ANKRD55: variants seen among roughly 807,000 people sequenced by gnomAD.
ANKRD55 encodes ankyrin repeat domain 55.
ANKRD55 carries 41 observed loss-of-function variants against 60.6 expected under a neutral mutation model. That is an observed-to-expected ratio of 0.68 (90% CI 0.53 to 0.88). ANKRD55 has a LOEUF of 0.88. Among genes scored for constraint, ANKRD55 ranks in the 40% least tolerant of loss-of-function variants. The probability of loss-of-function intolerance (pLI) is 0.00; values close to 1 mark genes in which losing one functional copy is unlikely to be tolerated. For missense variants in ANKRD55, 732 were observed against 767.6 expected (o/e 0.95, Z 0.55); for synonymous variants, 264 against 290.3 (o/e 0.91, Z 0.92).
chr5:56,139,408 T>A (rs1051392157), intron 7 of ANKRD55, among the ~76,000 whole-genome samples: 4 of 152,254 alleles, frequency 2.6e-5, no homozygotes, highest in African/African-American at 7.2e-5. Context: ...TTTAACAAAG[T>A]TCTAGAAGTA....
intron 2 of ANKRD55, among the ~76,000 whole-genome samples, chr5:56,198,485 A>C (rs542287738): frequency 6.6e-6 from 1 of 151,888 alleles, no homozygotes; most frequent in South Asian, 2.1e-4. Flanking sequence ...GGGTTTCACC[A>C]TGTTGGTCAG....
intron 2 of ANKRD55, among the ~76,000 whole-genome samples, chr5:56,214,097 T>A (rs1759744730): frequency 6.6e-6 from 1 of 152,126 alleles, no homozygotes; most frequent in African/African-American, 2.4e-5. Context: ...ATCTTGTGAG[T>A]CTTATTCACT....
chr5:56,127,298 G>C (rs1434642367), intron 7 of ANKRD55, 192 bp from the exon 8 acceptor site: 1 of 985,272 alleles, frequency 1.0e-6, no homozygotes, highest in African/African-American at 1.7e-5. Flanking sequence ...GTGTCCACTT[G>C]TCTCAAGTCA....
rs540776302 is a variant in ANKRD55 at position 56,145,102 on chromosome 5, G to A, written c.484-1173C>T. 3.3e-5 allele frequency among the ~76,000 whole-genome samples: 5 copies of A among 152,266 alleles called. No individual in the cohort carries two copies. In the South Asian group the frequency reaches 8.3e-4, roughly 25 times the overall value. On this transcript the variant is annotated intron_variant, in intron 6 of 11. Coordinates refer to ENST00000341048, the MANE Select transcript of ANKRD55 (RefSeq NM_024669.3). The stretch of plus-strand genomic sequence containing the variant: ...TAGACAGGAGCACATTAATAATAGC[G>A]CAGAGCTAATATTTATTGATCTAGA...
At chr5:56,131,006 T>A (rs1757394557) in intron 7 of ANKRD55, among the ~76,000 whole-genome samples, 2 of 150,550 alleles carry the variant, frequency 1.3e-5, no homozygotes, top group African/African-American at 2.4e-5. Context: ...CTACAAAAGG[T>A]GTAACATACA....
intron 2 of ANKRD55, among the ~76,000 whole-genome samples, chr5:56,220,781 C>G (rs147774270): frequency 2.4e-4 from 37 of 152,266 alleles, no homozygotes; most frequent in African/African-American, 8.4e-4. Flanking sequence ...CCATTGCACT[C>G]CAGCCTGGGT....
At chr5:56,201,041 C>T (rs952109700) in intron 2 of ANKRD55, among the ~76,000 whole-genome samples, 1 of 152,150 alleles carries the variant, frequency 6.6e-6, no homozygotes. Context: ...GAAAGACATG[C>T]CCTAGTGGGA....
At chr5:56,186,913 G>C (rs1031555168) in intron 2 of ANKRD55, among the ~76,000 whole-genome samples, 1 of 152,160 alleles carries the variant, frequency 6.6e-6, no homozygotes, top group African/African-American at 2.4e-5. Context: ...TCCTGGTGGT[G>C]GGCTGAGGAG....
intron 2 of ANKRD55, among the ~76,000 whole-genome samples, chr5:56,188,041 C>A (rs910874072): frequency 5.3e-5 from 8 of 152,180 alleles, no homozygotes; most frequent in African/African-American, 1.9e-4. Flanking sequence ...TCTCTAGGGA[C>A]TACTTCCTCT....
At chr5:56,135,318 T>G (rs1310040654) in intron 7 of ANKRD55, among the ~76,000 whole-genome samples, 7 of 13,994 alleles carry the variant, frequency 5.0e-4, no homozygotes, top group South Asian at 2.1e-3. Flanking sequence ...TTTCTTTCTT[T>G]CTTTCTTTCT....
intron 6 of ANKRD55, among the ~76,000 whole-genome samples, chr5:56,155,456 A>G (rs1056217020): frequency 6.6e-6 from 1 of 152,086 alleles, no homozygotes. Flanking sequence ...AGCAGAGGAA[A>G]TTTCATTATT....
At position 56,183,548 on chromosome 5, in the gene ANKRD55, C is replaced by A. The variant is rs766226586; in HGVS notation, c.145G>T (p.Glu49Ter). The A allele has an allele frequency of 1.2e-6, 2 of 1,614,164 alleles. No homozygotes were observed. ...CAGCATTCTAGGATAGAAGGGTCTT[C>A]CCGAATCACTGCAGTCAGAGCATTG... Reference protein sequence around the residue: ...DVNALTAVIREDPSILECCDS... With the variant: ...DVNALTAVIR The change falls in exon 3 of 12, where the codon GAA (glutamate) becomes TAA (stop). Residue 49 changes from glutamate (E) to a stop codon, truncating the protein, a stop_gained. Coordinates refer to ENST00000341048, the MANE Select transcript of ANKRD55 (RefSeq NM_024669.3). LOFTEE classifies it high-confidence loss of function.
At chr5:56,129,325 T>C (rs1366984962) in intron 7 of ANKRD55, among the ~76,000 whole-genome samples, 1 of 152,238 alleles carries the variant, frequency 6.6e-6, no homozygotes, top group South Asian at 2.1e-4. Flanking sequence ...GTATTGTACA[T>C]ATCCTATTCT....
At chr5:56,107,390 A>G (rs577092291) in intron 10 of ANKRD55, among the ~76,000 whole-genome samples, 97 of 152,274 alleles carry the variant, frequency 6.4e-4, no homozygotes, top group Middle Eastern at 3.4e-3. Flanking sequence ...GGATTTTTCT[A>G]GTTATTTCAT....
intron 3 of ANKRD55, among the ~76,000 whole-genome samples, chr5:56,177,509 G>T (rs528531661): frequency 8.9e-4 from 136 of 152,226 alleles, no homozygotes; most frequent in Non-Finnish European, 1.6e-3. Context: ...GGGTGTGGTG[G>T]CTCCTGCCTG....
At chr5:56,160,430 G>A (rs374935012) in intron 5 of ANKRD55, among the ~76,000 whole-genome samples, 1 of 152,088 alleles carries the variant, frequency 6.6e-6, no homozygotes, top group Non-Finnish European at 1.5e-5. Flanking sequence ...TAGTAGAGAC[G>A]GGGTTTCACC....
At chr5:56,213,214 G>A (rs983545821) in intron 2 of ANKRD55, among the ~76,000 whole-genome samples, 37 of 152,252 alleles carry the variant, frequency 2.4e-4, no homozygotes, top group African/African-American at 8.9e-4. Flanking sequence ...TTGGGAGGAG[G>A]TGTCAGGAAA....
Position 56,128,942 on chromosome 5 carries a change from A to T in ANKRD55, c.613-1836T>A, listed in dbSNP as rs144046734. On this transcript the variant is annotated intron_variant, in intron 7 of 11. Coordinates refer to ENST00000341048, the MANE Select transcript of ANKRD55 (RefSeq NM_024669.3). ...AGGAACTAAAGTGAAAACTGTTTAG[A>T]CCTACATCAGTACCAGTGACGTGTG... Among the ~76,000 whole-genome samples the T allele has an allele frequency of 5.3e-5, 8 of 152,260 alleles. No individual in the cohort carries two copies. In the East Asian group the frequency reaches 1.5e-3, roughly 29 times the overall value.
chr5:56,163,463 G>C (rs1371027530), intron 5 of ANKRD55, among the ~76,000 whole-genome samples: 2 of 152,120 alleles, frequency 1.3e-5, no homozygotes, highest in African/African-American at 4.8e-5. Flanking sequence ...ACCCCCATCA[G>C]CCAAGTTCAG....
Sources: allele counts gnomAD v4.1 joint callset (sites outside exome capture counted in the v4.1 genomes callset), GRCh38; gene constraint gnomAD v4.1.1; transcripts MANE v1.5; gene names NCBI Gene and HGNC (gene_info 2026-07-23, HGNC 2026-07-21).